The following DEPTOR variants were observed in gnomAD, a reference collection of about 807,000 sequenced individuals.
DEPTOR encodes DEP domain containing MTOR interacting protein.
Under a neutral mutation model 41.6 loss-of-function variants are expected in DEPTOR, and 41 were observed. The ratio of observed to expected loss-of-function variants is 0.98; its 90% CI spans 0.77 to 1.28. The LOEUF (loss-of-function observed/expected upper bound fraction) is 1.28. DEPTOR is among the 50% of genes most tolerant of loss of function. The pLI, the probability that DEPTOR is intolerant of heterozygous loss-of-function variation, is 0.00. For missense variants in DEPTOR, 514 were observed against 527.9 expected (o/e 0.97, Z 0.26); for synonymous variants, 195 against 192.3 (o/e 1.01, Z -0.12).
intron 1 of DEPTOR, among the ~76,000 whole-genome samples, chr8:119,881,613 A>G (rs1827298814): frequency 6.6e-6 from 1 of 152,140 alleles, no homozygotes; most frequent in African/African-American, 2.4e-5. Context: ...AGGAATTTAG[A>G]GCATACACAA....
chr8:119,992,409 A>T (rs1194558094), intron 4 of DEPTOR, among the ~76,000 whole-genome samples: 2 of 152,006 alleles, frequency 1.3e-5, no homozygotes, highest in Non-Finnish European at 2.9e-5. Context: ...TCTCTGTTTA[A>T]GTCTGTTTTC....
chr8:120,017,667 A>G (rs1178382341), intron 8 of DEPTOR, among the ~76,000 whole-genome samples: 7 of 152,238 alleles, frequency 4.6e-5, no homozygotes, highest in Non-Finnish European at 7.3e-5. Flanking sequence ...TTGGTAGTTT[A>G]ATCAAACACT....
At chr8:120,034,448 T>C (rs937865289) in intron 8 of DEPTOR, among the ~76,000 whole-genome samples, 4 of 100,982 alleles carry the variant, frequency 4.0e-5, no homozygotes, top group South Asian at 3.1e-4. Flanking sequence ...TTTTTCTTTT[T>C]TTTTTTTTTT....
intron 3 of DEPTOR, among the ~76,000 whole-genome samples, chr8:119,948,449 T>G (rs1443387070): frequency 6.6e-6 from 1 of 151,786 alleles, no homozygotes; most frequent in African/African-American, 2.4e-5. Flanking sequence ...AAAATAAAAA[T>G]AAGAATTAAA....
At chr8:120,045,980 A>C (rs1317513008) in intron 8 of DEPTOR, among the ~76,000 whole-genome samples, 1 of 152,094 alleles carries the variant, frequency 6.6e-6, no homozygotes, top group Non-Finnish European at 1.5e-5. Flanking sequence ...CCTCCCACAC[A>C]TACAGCCTTG....
At chr8:119,988,028 G>C (rs1264537408) in intron 4 of DEPTOR, among the ~76,000 whole-genome samples, 1 of 152,140 alleles carries the variant, frequency 6.6e-6, no homozygotes, top group Admixed American at 6.5e-5. Context: ...GGAGTGAACA[G>C]TTCTGTCTCG....
At chr8:120,047,484 C>T (rs1322295565) in intron 8 of DEPTOR, among the ~76,000 whole-genome samples, 1 of 152,112 alleles carries the variant, frequency 6.6e-6, no homozygotes, top group East Asian at 1.9e-4. Flanking sequence ...TCTTCTGCCT[C>T]AGCTTTCCAA....
At chr8:120,048,173 G>T (rs1032458044) in intron 8 of DEPTOR, among the ~76,000 whole-genome samples, 2 of 152,166 alleles carry the variant, frequency 1.3e-5, no homozygotes, top group African/African-American at 4.8e-5. Context: ...GTGCAAAAAG[G>T]CTATTCATCT....
At position 119,995,411 on chromosome 8, in the gene DEPTOR, C is replaced by T. The variant is rs567205405; in HGVS notation, c.605-6114C>T. Among the ~76,000 whole-genome samples the T allele has an allele frequency of 5.3e-5, 8 of 152,114 alleles. No individual in the cohort carries two copies. The South Asian group carries it at 1.7e-3, about 32-fold the overall frequency. ...GACCAGCCTGGCCAACATGGTGAAA[C>T]CCTGTCTCCACTAAAAATACAAAAA... is the stretch of plus-strand genomic sequence containing the variant. On this transcript the variant is annotated intron_variant, in intron 4 of 8. Coordinates refer to ENST00000286234, the MANE Select transcript of DEPTOR (RefSeq NM_022783.4).
At chr8:120,000,672 AG>A (rs1247813568) in intron 4 of DEPTOR, among the ~76,000 whole-genome samples, 1 of 151,044 alleles carries the variant, frequency 6.6e-6, no homozygotes, top group East Asian at 2.0e-4. Context: ...CATGTTGGCC[AG>A]GCTGGTGTCA....
chr8:119,960,955 G>A (rs1160028190), intron 3 of DEPTOR, among the ~76,000 whole-genome samples: 1 of 151,826 alleles, frequency 6.6e-6, no homozygotes, highest in Non-Finnish European at 1.5e-5. Context: ...CTCCAGCCTG[G>A]GTGACAAGAG....
intron 1 of DEPTOR, among the ~76,000 whole-genome samples, chr8:119,889,577 G>A (rs1018438824): frequency 9.3e-6 from 1 of 107,922 alleles, no homozygotes; most frequent in Non-Finnish European, 2.0e-5. Flanking sequence ...GAGAGGAGAC[G>A]GGAGGGGAGA....
At chr8:120,037,505 G>T (rs1225954205) in intron 8 of DEPTOR, among the ~76,000 whole-genome samples, 1 of 152,180 alleles carries the variant, frequency 6.6e-6, no homozygotes, top group Non-Finnish European at 1.5e-5. Flanking sequence ...TGTGACAAAT[G>T]GTGTGTGGGG....
intron 4 of DEPTOR, among the ~76,000 whole-genome samples, chr8:119,985,672 C>T (rs1006227101): frequency 2.0e-5 from 3 of 152,020 alleles, no homozygotes; most frequent in Non-Finnish European, 4.4e-5. Flanking sequence ...TTATGAATCT[C>T]AGTTCTCCTG....
intron 3 of DEPTOR, among the ~76,000 whole-genome samples, chr8:119,933,451 A>AAC (rs1828071077): frequency 1.1e-5 from 1 of 88,764 alleles, no homozygotes; most frequent in Non-Finnish European, 2.2e-5. Flanking sequence ...GAGACAGAGC[A>AAC]AGACACACAC....
At chr8:120,044,344 C>T (rs576253087) in intron 8 of DEPTOR, among the ~76,000 whole-genome samples, 26 of 152,108 alleles carry the variant, frequency 1.7e-4, no homozygotes, top group South Asian at 1.7e-3. Context: ...AGGCTGGTCT[C>T]GAACTCCTGA....
At chr8:119,974,262 A>G (rs953953192) in intron 4 of DEPTOR, among the ~76,000 whole-genome samples, 16 of 146,334 alleles carry the variant, frequency 1.1e-4, no homozygotes, top group East Asian at 9.8e-4. Flanking sequence ...AAAAAAAAAA[A>G]AGAGAAAGAA....
chr8:120,045,397 A>T (rs1386176177), intron 8 of DEPTOR, among the ~76,000 whole-genome samples: 1 of 151,962 alleles, frequency 6.6e-6, no homozygotes, highest in Non-Finnish European at 1.5e-5. Flanking sequence ...TTTAGGCAGG[A>T]TCTCACTTTG....
chr8:119,998,532 G>A (rs946447111), intron 4 of DEPTOR, among the ~76,000 whole-genome samples: 23 of 152,124 alleles, frequency 1.5e-4, no homozygotes, highest in African/African-American at 3.6e-4. Flanking sequence ...TGAGACTTCC[G>A]CATGATGGTG....
Sources: allele counts gnomAD v4.1 joint callset (sites outside exome capture counted in the v4.1 genomes callset), GRCh38; gene constraint gnomAD v4.1.1; transcripts MANE v1.5; gene names NCBI Gene and HGNC (gene_info 2026-07-23, HGNC 2026-07-21).